Variants in MCMDC2 observed in about 807,000 individuals in gnomAD.
MCMDC2 encodes minichromosome maintenance domain containing 2.
Under a neutral mutation model 75.8 loss-of-function variants are expected in MCMDC2, and 54 were observed. That is an observed-to-expected ratio of 0.71 (90% confidence interval 0.57 to 0.89). The LOEUF (loss-of-function observed/expected upper bound fraction) is 0.89. Ranked by LOEUF, MCMDC2 falls within the 40% of genes least tolerant of loss-of-function variation. MCMDC2 has a pLI of 0.00. For synonymous variants in MCMDC2, 249 were observed against 274.6 expected, an observed-to-expected ratio of 0.91 and a Z score of 0.92; for missense variants, 656 against 780.4, an observed-to-expected ratio of 0.84 and a Z score of 1.90.
intron 14 of MCMDC2, among the ~76,000 whole-genome samples, chr8:66,911,392 G>A (rs745441712): frequency 1.3e-5 from 2 of 152,138 alleles, no homozygotes; most frequent in Non-Finnish European, 2.9e-5. Flanking sequence ...TAAGTGTCCT[G>A]TGGCCTCCTC....
chr8:66,871,918 G>C (rs368364828), intron 1 of MCMDC2, among the ~76,000 whole-genome samples: 4 of 150,546 alleles, frequency 2.7e-5, no homozygotes, highest in Non-Finnish European at 4.4e-5. Flanking sequence ...AAAAAAATCT[G>C]ACTATAATAC....
intron 14 of MCMDC2, among the ~76,000 whole-genome samples, chr8:66,912,143 A>G (rs916775630): frequency 1.3e-5 from 2 of 152,238 alleles, no homozygotes; most frequent in African/African-American, 4.8e-5. Context: ...TAAAATATCT[A>G]CATTAACAGG....
At chr8:66,922,554 G>T (rs760141887), downstream of MCMDC2, 2 of 518,698 alleles carry the variant, frequency 3.9e-6, no homozygotes, top group South Asian at 2.8e-5. Context: ...CATTGTGCCA[G>T]CTATTAAACC....
Position 66,896,905 on chromosome 8 carries a change from T to C in MCMDC2, c.1572T>C (p.Pro524=), listed in dbSNP as rs767569175. 3 of 1,612,856 alleles carry C rather than the reference T, an allele frequency of 1.9e-6. No homozygotes were observed. The highest frequency in any genetic ancestry group is 2.5e-6 in the Non-Finnish European group (3 of 1,179,496). ...VQHTLNKAIN[P]EGLFYAASRQ... Reference sequence around the variant, plus strand: ...ACACTTTGAACAAAGCCATTAATCCTGAAGGGCTGTTTTATGCGGCTTCTA... The same window carrying C: ...ACACTTTGAACAAAGCCATTAATCCCGAAGGGCTGTTTTATGCGGCTTCTA... Residue 524 remains proline, a synonymous_variant, in exon 12 of 15, where the codon CCT becomes CCC. Coordinates refer to ENST00000422365, the MANE Select transcript of MCMDC2 (RefSeq NM_173518.5).
intron 13 of MCMDC2, among the ~76,000 whole-genome samples, chr8:66,904,947 C>G (rs543470845): frequency 6.6e-6 from 1 of 152,146 alleles, no homozygotes; most frequent in East Asian, 1.9e-4. Flanking sequence ...ATTAATTTTC[C>G]CAACTGTGTA....
downstream of MCMDC2, chr8:66,922,366 G>A: frequency 2.7e-6 from 1 of 365,850 alleles, no homozygotes; most frequent in South Asian, 2.1e-5. Flanking sequence ...TGACAGCTAA[G>A]AACATTCATC....
intron 14 of MCMDC2, among the ~76,000 whole-genome samples, chr8:66,915,485 ATTTATATATTTATATATGT>A (rs1242632378): frequency 7.0e-6 from 1 of 142,794 alleles, no homozygotes; most frequent in African/African-American, 2.7e-5. Flanking sequence ...TTATATATAT[ATTTATATATTTATATATGT>A]TTTATATATT....
At chr8:66,891,149 T>G (rs1812090199) in intron 10 of MCMDC2, 79 bp downstream of exon 10, 1 of 1,230,984 alleles carries the variant, frequency 8.1e-7, no homozygotes, top group Non-Finnish European at 1.1e-6. Flanking sequence ...ACAGTTAAGA[T>G]AGTATTGCAG....
chr8:66,923,145 G>A (rs1813615058), downstream of MCMDC2, among the ~76,000 whole-genome samples: 1 of 152,314 alleles, frequency 6.6e-6, no homozygotes, highest in Non-Finnish European at 1.5e-5. Context: ...AGCTCGACAA[G>A]GATGAGCTAT....
At chr8:66,877,593 G>A (rs1355082671) in intron 5 of MCMDC2, 49 bp downstream of exon 5, 2 of 1,395,322 alleles carry the variant, frequency 1.4e-6, no homozygotes, top group African/African-American at 1.5e-5. Context: ...GGCTAGGCAT[G>A]GTGGCTCACA....
At chr8:66,912,459 G>A (rs992744029) in intron 14 of MCMDC2, among the ~76,000 whole-genome samples, 3 of 152,196 alleles carry the variant, frequency 2.0e-5, no homozygotes, top group African/African-American at 7.2e-5. Context: ...TAAAGCAGTG[G>A]CAGTGTTTGA....
intron 10 of MCMDC2, among the ~76,000 whole-genome samples, 183 bp from the exon 11 acceptor site, chr8:66,895,987 G>A (rs914370142): frequency 6.6e-6 from 1 of 152,092 alleles, no homozygotes; most frequent in Non-Finnish European, 1.5e-5. Flanking sequence ...GGACACATAA[G>A]GCTTCAAATA....
chr8:66,900,805 A>G (rs1464818701), intron 12 of MCMDC2, among the ~76,000 whole-genome samples: 1 of 152,196 alleles, frequency 6.6e-6, no homozygotes, highest in Non-Finnish European at 1.5e-5. Context: ...CTTTAAAAGG[A>G]AGGAAGGGAA....
rs1259314783 is a variant in MCMDC2, at chr8:66,921,654, G to A, written c.*2485G>A. 1 of 152,156 alleles carries A rather than the reference G, an allele frequency of 6.6e-6. No individual in the cohort carries two copies. The highest frequency in any genetic ancestry group is 2.4e-5 in the African/African-American group (1 of 41,430). The allele number at this position is 152,156 out of a possible 1,614,324, so 9.4% of individuals were successfully genotyped here. On this transcript the variant is annotated 3_prime_UTR_variant, in exon 15 of 15. Transcript: ENST00000422365. The stretch of plus-strand genomic sequence containing the variant: ...GGATGACTTTTTTGTTCACAAAGAT[G>A]AAAGCAAACTGAATAAAAAAGGTGA...
At chr8:66,901,698 G>C (rs957416088) in intron 13 of MCMDC2, 42 of 925,170 alleles carry the variant, frequency 4.5e-5, no homozygotes, top group Admixed American at 5.9e-5. Flanking sequence ...TTGGGAGTCC[G>C]AGAGGGCAGA....
downstream of MCMDC2, among the ~76,000 whole-genome samples, chr8:66,926,042 G>A (rs1398169846): frequency 1.3e-5 from 2 of 152,066 alleles, no homozygotes; most frequent in Non-Finnish European, 2.9e-5. Flanking sequence ...CCAGCTACCC[G>A]GAAGCTGAGG....
chr8:66,909,615 C>T (rs1813029326), intron 14 of MCMDC2, among the ~76,000 whole-genome samples: 1 of 152,086 alleles, frequency 6.6e-6, no homozygotes, highest in African/African-American at 2.4e-5. Context: ...AGACTGGCGC[C>T]GTTTTGCTTC....
At chr8:66,913,352 T>G (rs1436863685) in intron 14 of MCMDC2, among the ~76,000 whole-genome samples, 1 of 152,234 alleles carries the variant, frequency 6.6e-6, no homozygotes, top group Non-Finnish European at 1.5e-5. Flanking sequence ...ATTCACTTTT[T>G]TGTGGTGATC....
At chr8:66,896,055 C>A in intron 10 of MCMDC2, 115 bp from the exon 11 acceptor site, 1 of 902,768 alleles carries the variant, frequency 1.1e-6, no homozygotes, top group South Asian at 1.9e-5. Flanking sequence ...AATTTACTTT[C>A]TTTCACTATC....
Sources: gnomAD v4.1 joint callset for allele counts (sites outside exome capture counted in the v4.1 genomes callset) on GRCh38, gnomAD v4.1.1 for gene constraint, MANE v1.5 for transcripts, NCBI Gene and HGNC (gene_info 2026-07-23, HGNC 2026-07-21) for gene names.